The following PREX1 variants were observed in gnomAD, a reference collection of about 807,000 sequenced individuals.
PREX1 encodes the protein phosphatidylinositol-3,4,5-trisphosphate dependent Rac exchange factor 1, also known as phosphatidylinositol 3,4,5-trisphosphate-dependent Rac exchanger 1 protein.
A neutral mutation model predicts 198.3 loss-of-function variants in PREX1; 41 were observed. The observed-to-expected ratio is 0.21, with a 90% CI of 0.16 to 0.27. PREX1 has a LOEUF of 0.27. PREX1 is among the 10% of genes least tolerant of loss of function. PREX1 has a pLI of 1.00. For synonymous variants in PREX1, 843 were observed against 887.2 expected, an observed-to-expected ratio of 0.95 and a Z score of 0.89; for missense variants, 1,620 against 2,200.7, an observed-to-expected ratio of 0.74 and a Z score of 5.28.
intron 30 of PREX1, among the ~76,000 whole-genome samples, chr20:48,638,220 G>A (rs1009433996): frequency 1.3e-5 from 2 of 151,716 alleles, no homozygotes; most frequent in African/African-American, 4.9e-5. Flanking sequence ...GCCCACACAA[G>A]CACACAGCAG....
chr20:48,632,049 T>C (rs1008932498), intron 35 of PREX1, among the ~76,000 whole-genome samples: 1 of 152,190 alleles, frequency 6.6e-6, no homozygotes, highest in Non-Finnish European at 1.5e-5. Flanking sequence ...CTTGGGCAAG[T>C]GTGTACACTT....
intron 35 of PREX1, 27 bp downstream of exon 35, chr20:48,632,250 C>T: frequency 1.2e-6 from 2 of 1,608,042 alleles, no homozygotes; most frequent in Non-Finnish European, 1.7e-6. Context: ...CTGACTCCTG[C>T]CCCCAACGGG....
At chr20:48,681,874 G>C (rs2089753779) in intron 10 of PREX1, among the ~76,000 whole-genome samples, 1 of 152,092 alleles carries the variant, frequency 6.6e-6, no homozygotes, top group Non-Finnish European at 1.5e-5. Context: ...TAGATGGAGT[G>C]GTGGCTGGAC....
rs1601026152 is a variant in PREX1 at position 48,630,725 on chromosome 20, T to C, written c.4593+3A>G. The stretch of plus-strand genomic sequence containing the variant: ...CCTGCAGCAGGAGGGCACGTGGACA[T>C]ACCTGGTCTATCTTTACCGCCGTGG... On this transcript the variant is annotated splice_donor_region_variant and intron_variant, in intron 36 of 39. Coordinates refer to ENST00000371941, the MANE Select transcript of PREX1 (RefSeq NM_020820.4). 1 of 1,585,318 alleles carries C rather than the reference T, an allele frequency of 6.3e-7. No homozygotes were observed. Among genetic ancestry groups the C allele is most frequent in the Non-Finnish European group, 8.7e-7 (1 of 1,153,894 alleles).
chr20:48,801,568 C>G (rs573932600), intron 1 of PREX1, among the ~76,000 whole-genome samples: 2 of 152,334 alleles, frequency 1.3e-5, no homozygotes, highest in African/African-American at 4.8e-5. Context: ...GTTGAGAAAC[C>G]AGCCTGCGTC....
At chr20:48,756,716 G>A (rs983655008) in intron 1 of PREX1, among the ~76,000 whole-genome samples, 18 of 152,092 alleles carry the variant, frequency 1.2e-4, no homozygotes. Context: ...CCCTTTGCCT[G>A]GAAGACTCTT....
intron 25 of PREX1, among the ~76,000 whole-genome samples, chr20:48,646,276 A>G (rs995915976): frequency 6.6e-6 from 1 of 152,232 alleles, no homozygotes; most frequent in Admixed American, 6.5e-5. Flanking sequence ...TTCCACCTCA[A>G]TAGGCTGTAG....
intron 6 of PREX1, among the ~76,000 whole-genome samples, chr20:48,706,094 T>C (rs1353629448): frequency 6.6e-6 from 1 of 152,226 alleles, no homozygotes; most frequent in Non-Finnish European, 1.5e-5. Flanking sequence ...TCCTATTGCA[T>C]CCAGCAACAC....
At chr20:48,857,952 G>A in the PREX1 span, among the ~76,000 whole-genome samples, 3 of 152,248 alleles carry the variant, frequency 2.0e-5, no homozygotes, top group Non-Finnish European at 4.4e-5. Context: ...CTGTGGCGGG[G>A]GCAAGCTTGG....
rs536357108 is a variant in PREX1 at position 48,792,704 on chromosome 20, T to C, written c.219+34938A>G. On this transcript the variant is annotated intron_variant, in intron 1 of 39. Transcript: ENST00000371941. The stretch of plus-strand genomic sequence containing the variant: ...ACCCAAATGTCCATCAGCTAATGAA[T>C]GGATAAACAAAATGTATATCCATAT... 2.0e-4 allele frequency among the ~76,000 whole-genome samples: 30 copies of C among 151,640 alleles called. No individual in the cohort carries two copies. In the South Asian group the frequency reaches 2.3e-3, roughly 12 times the overall value.
intron 4 of PREX1, 147 bp downstream of exon 4, chr20:48,734,399 G>C (rs2090047814): frequency 2.8e-6 from 2 of 725,926 alleles, no homozygotes; most frequent in South Asian, 1.7e-5. Flanking sequence ...TATGGAAAAG[G>C]CTTGGCGATC....
intron 15 of PREX1, among the ~76,000 whole-genome samples, chr20:48,665,333 A>ATTCTAATCCCGACTCCAGACGGCCTGAG (rs2089630929): frequency 6.7e-6 from 1 of 148,638 alleles, no homozygotes; most frequent in African/African-American, 2.5e-5. Flanking sequence ...GACGGCCTGA[A>ATTCTAATCCCGACTCCAGACGGCCTGAG]TTCTAATCCC....
intron 1 of PREX1, among the ~76,000 whole-genome samples, chr20:48,789,819 T>A (rs2122964185): frequency 6.6e-6 from 1 of 151,940 alleles, no homozygotes; most frequent in South Asian, 2.1e-4. Context: ...GACGGACAGA[T>A]GAACAGACGG....
In PREX1 at chr20:48,705,898, G is replaced by A. The variant is rs146491290; in HGVS notation, c.783+2362C>T. Among the ~76,000 whole-genome samples the A allele has an allele frequency of 1.8e-4, 27 of 152,206 alleles. No homozygotes were observed. The East Asian group carries it at 4.1e-3, about 23-fold the overall frequency. On this transcript the variant is annotated intron_variant, in intron 6 of 39. Coordinates refer to ENST00000371941, the MANE Select transcript of PREX1 (RefSeq NM_020820.4). ...CACACCAGGCAGGACAAACTTACTC[G>A]AGGCAGGGCAAACTTACTCGAGACA... is the stretch of plus-strand genomic sequence containing the variant.
the PREX1 span, among the ~76,000 whole-genome samples, chr20:48,880,629 A>G: frequency 6.6e-6 from 1 of 152,200 alleles, no homozygotes; most frequent in Non-Finnish European, 1.5e-5. Flanking sequence ...TGGAAGTTCC[A>G]GCCCAAAACT....
intron 36 of PREX1, 43 bp from the exon 37 acceptor site, chr20:48,629,664 C>T (rs776293558): frequency 1.3e-6 from 2 of 1,587,312 alleles, no homozygotes; most frequent in Non-Finnish European, 1.7e-6. Flanking sequence ...GGAGGAGGTC[C>T]TCACAGCCCC....
the PREX1 span, among the ~76,000 whole-genome samples, chr20:48,862,367 T>C: frequency 1.3e-5 from 2 of 152,196 alleles, no homozygotes; most frequent in African/African-American, 4.8e-5. Flanking sequence ...GGATAGCTTT[T>C]ATTGAGCATT....
chr20:48,679,587 C>G (rs1479652289), intron 12 of PREX1, 64 bp downstream of exon 12: 5 of 1,497,948 alleles, frequency 3.3e-6, no homozygotes, highest in Non-Finnish European at 4.6e-6. Flanking sequence ...TGCTCTGAGG[C>G]GAACCCAGGG....
chr20:48,807,013 A>C (rs1006498770), intron 1 of PREX1, among the ~76,000 whole-genome samples: 5 of 152,240 alleles, frequency 3.3e-5, no homozygotes, highest in Non-Finnish European at 7.4e-5. Flanking sequence ...TCAAGGTGAC[A>C]TCTCAACAGA....
Sources: gnomAD v4.1 joint callset for allele counts (sites outside exome capture counted in the v4.1 genomes callset) on GRCh38, gnomAD v4.1.1 for gene constraint, MANE v1.5 for transcripts, NCBI Gene and HGNC (gene_info 2026-07-23, HGNC 2026-07-21) for gene names.